The following ROBO2 variants were observed in gnomAD, a reference collection of about 807,000 sequenced individuals.
The protein encoded by ROBO2 is roundabout guidance receptor 2, also known as roundabout homolog 2.
Under a neutral mutation model 160.8 loss-of-function variants are expected in ROBO2, and 53 were observed. That is an observed-to-expected ratio of 0.33 (90% confidence interval 0.26 to 0.41). The LOEUF is 0.41. Ranked by LOEUF, ROBO2 falls within the 10% of genes least tolerant of loss-of-function variation. The pLI is 1.00. For missense variants in ROBO2, 1,577 were observed against 1,722.4 expected, an observed-to-expected ratio of 0.92 and a Z score of 1.49; for synonymous variants, 664 against 611.7, an observed-to-expected ratio of 1.09 and a Z score of -1.26.
intron 2 of ROBO2, among the ~76,000 whole-genome samples, chr3:77,135,224 C>A (rs984638917): frequency 1.1e-4 from 17 of 152,138 alleles, no homozygotes; most frequent in Non-Finnish European, 4.4e-5. Flanking sequence ...GGAATGACTG[C>A]AGTTTGAACT....
intron 2 of ROBO2, among the ~76,000 whole-genome samples, chr3:76,684,796 T>C (rs1414102603): frequency 1.3e-5 from 2 of 152,156 alleles, no homozygotes; most frequent in African/African-American, 2.4e-5. Context: ...TTCTGAACTT[T>C]TGTCACTTTT....
intron 2 of ROBO2, among the ~76,000 whole-genome samples, chr3:76,513,911 A>G (rs1219688883): frequency 6.6e-6 from 1 of 152,186 alleles, no homozygotes; most frequent in Non-Finnish European, 1.5e-5. Context: ...AAAAATAACC[A>G]TAATATCATT....
At chr3:77,362,734 G>C (rs1252439660) in intron 2 of ROBO2, among the ~76,000 whole-genome samples, 1 of 152,120 alleles carries the variant, frequency 6.6e-6, no homozygotes, top group Non-Finnish European at 1.5e-5. Flanking sequence ...ATTTATAAAG[G>C]AAAGAGGATT....
At chr3:76,190,585 T>C in intron 2 of ROBO2, among the ~76,000 whole-genome samples, 1 of 152,140 alleles carries the variant, frequency 6.6e-6, no homozygotes. Context: ...AACTTTAAAA[T>C]GGTCACATGA....
chr3:77,454,223 CT>C (rs953140354), intron 2 of ROBO2, among the ~76,000 whole-genome samples: 3 of 151,010 alleles, frequency 2.0e-5, no homozygotes, highest in Non-Finnish European at 2.9e-5. Flanking sequence ...TTAATGGTTA[CT>C]GTTGTTTACC....
intron 1 of ROBO2, among the ~76,000 whole-genome samples, chr3:77,075,672 C>CTTTTTTTTTTTTTT (rs1174587812): frequency 8.0e-5 from 7 of 87,260 alleles, no homozygotes; most frequent in Non-Finnish European, 1.0e-4. Flanking sequence ...TTTCTTTCTC[C>CTTTTTTTTTTTTTT]TTTTTTTTTT....
intron 20 of ROBO2, 130 bp downstream of exon 21, chr3:77,602,621 C>A: frequency 8.9e-7 from 1 of 1,118,342 alleles, no homozygotes; most frequent in East Asian, 2.5e-5. Flanking sequence ...AAGATACCAG[C>A]ATGTTTCCAG....
chr3:76,140,224 CT>C (rs2071580300), intron 2 of ROBO2, among the ~76,000 whole-genome samples: 1 of 151,954 alleles, frequency 6.6e-6, no homozygotes, highest in Non-Finnish European at 1.5e-5. Flanking sequence ...TTAGGACTAA[CT>C]TGAATATAAA....
chr3:77,558,080 T>A (rs373916600), exon 9 of ROBO2: 1 of 1,613,272 alleles, frequency 6.2e-7, no homozygotes, highest in South Asian at 1.1e-5. Context: ...AGGAGGGATT[T>A]ACTTTTCCGG....
intron 2 of ROBO2, among the ~76,000 whole-genome samples, chr3:75,999,018 C>T (rs768875869): frequency 2.0e-5 from 3 of 152,188 alleles, no homozygotes; most frequent in South Asian, 4.1e-4. Context: ...ATATGCACCA[C>T]GTTCCTTGGA....
intron 2 of ROBO2, among the ~76,000 whole-genome samples, chr3:77,280,804 CT>C (rs1261309357): frequency 6.6e-6 from 1 of 152,112 alleles, no homozygotes. Context: ...TCCTGCCTTC[CT>C]TTTCAGTTTA....
chr3:77,126,779 CTTCTT>C lies in ROBO2; in HGVS notation c.388+28442_388+28446del, dbSNP rs1475204096. 4.6e-3 allele frequency among the ~76,000 whole-genome samples: 547 copies of C among 119,664 alleles called. 10 individuals carry two copies. The highest frequency in any genetic ancestry group is 0.016 in the African/African-American group (501 of 32,086). 78.5% of individuals were successfully genotyped at this position (119,664 alleles called of 152,430 possible). A position where few individuals can be genotyped will look rare whatever the true frequency, so the allele number is the denominator to read the frequency against. ...ATTTCATGTATATTTGATTTTGAAA[CTTCTT>C]TTTTTTTTTTTTTTTTTTTTTTGAG... On this transcript the variant is annotated intron_variant, in intron 2 of 25. Coordinates refer to ENST00000461745, the Ensembl canonical transcript of ROBO2.
intron 9 of ROBO2, among the ~76,000 whole-genome samples, chr3:77,558,577 G>A (rs538299504): frequency 6.6e-6 from 1 of 152,158 alleles, no homozygotes; most frequent in South Asian, 2.1e-4. Context: ...AGATGAGACT[G>A]AGTACATAAA....
At chr3:76,252,770 C>CAG (rs1706100100) in intron 2 of ROBO2, among the ~76,000 whole-genome samples, 1 of 150,698 alleles carries the variant, frequency 6.6e-6, no homozygotes, top group African/African-American at 2.5e-5. Context: ...CACACACACA[C>CAG]ACACACACAC....
intron 2 of ROBO2, among the ~76,000 whole-genome samples, chr3:77,034,247 T>G (rs1291280933): frequency 6.6e-6 from 1 of 151,814 alleles, no homozygotes; most frequent in Non-Finnish European, 1.5e-5. Context: ...CAGGGAGATT[T>G]TTTTCATTTA....
intron 2 of ROBO2, among the ~76,000 whole-genome samples, chr3:77,236,419 T>C (rs1185077235): frequency 6.6e-6 from 1 of 152,162 alleles, no homozygotes; most frequent in African/African-American, 2.4e-5. Context: ...TCCTGAAATC[T>C]GAAAGAGAGG....
In ROBO2 at chr3:76,423,618, T is replaced by A. The variant is rs1034867841; in HGVS notation, c.109+486016T>A. Among the ~76,000 whole-genome samples, 5 of 152,106 alleles carry A rather than the reference T, an allele frequency of 3.3e-5. No individual in the cohort carries two copies. The East Asian group carries it at 5.8e-4, about 18-fold the overall frequency. On this transcript the variant is annotated intron_variant, in intron 2 of 26. Transcript: ENST00000487694. Reference sequence around the variant, plus strand: ...TGGAAAATGGGATTTGATCACCAGATGATTAAATGTTTGTATTCAGAATTT... The same window carrying A: ...TGGAAAATGGGATTTGATCACCAGAAGATTAAATGTTTGTATTCAGAATTT...
chr3:75,938,119 A>AT (rs2107026264), intron 2 of ROBO2, among the ~76,000 whole-genome samples: 1 of 152,074 alleles, frequency 6.6e-6, no homozygotes, highest in South Asian at 2.1e-4. Flanking sequence ...GATGTTTCTC[A>AT]TTCTTCCGCC....
At chr3:77,438,723 C>T (rs560177390) in intron 2 of ROBO2, among the ~76,000 whole-genome samples, 14 of 151,976 alleles carry the variant, frequency 9.2e-5, no homozygotes, top group Admixed American at 5.9e-4. Flanking sequence ...CTTGGCTCAC[C>T]AGCTCTACAA....
Sources: allele counts gnomAD v4.1 joint callset (sites outside exome capture counted in the v4.1 genomes callset), GRCh38; gene constraint gnomAD v4.1.1; transcripts MANE v1.5; gene names NCBI Gene and HGNC (gene_info 2026-07-23, HGNC 2026-07-21).